SCRG1: variants seen among roughly 807,000 people sequenced by gnomAD.
The protein encoded by SCRG1 is scrapie-responsive protein 1.
SCRG1 carries 3 observed loss-of-function variants against 7.7 expected under a neutral mutation model. That is an observed-to-expected ratio of 0.39 (90% CI 0.18 to 1.01). The LOEUF (loss-of-function observed/expected upper bound fraction) is 1.01, where lower values mean the gene tolerates loss of function less well. SCRG1 is among the 50% of genes least tolerant of loss of function. The pLI is 0.36. For synonymous variants in SCRG1, 46 were observed against 41.2 expected (o/e 1.12, Z -0.44); for missense variants, 110 against 117.2 (o/e 0.94, Z 0.28).
the SCRG1 span, among the ~76,000 whole-genome samples, chr4:173,492,576 G>C: frequency 6.6e-6 from 1 of 152,196 alleles, no homozygotes; most frequent in African/African-American, 2.4e-5. Flanking sequence ...AAGATCAGAG[G>C]GATTTAGTAG....
the SCRG1 span, among the ~76,000 whole-genome samples, chr4:173,431,384 T>G: frequency 6.6e-6 from 1 of 152,034 alleles, no homozygotes; most frequent in Non-Finnish European, 1.5e-5. Context: ...TCCAAAAGGG[T>G]AGAAACAGCA....
At chr4:173,479,443 G>GTTTTTTTT in the SCRG1 span, among the ~76,000 whole-genome samples, 7 of 135,248 alleles carry the variant, frequency 5.2e-5, no homozygotes, top group Non-Finnish European at 6.3e-5. Context: ...TTGTTTTTTT[G>GTTTTTTTT]TTTTTTTTTT....
upstream of SCRG1, among the ~76,000 whole-genome samples, chr4:173,410,313 C>T (rs143841413): frequency 3.3e-5 from 5 of 152,320 alleles, no homozygotes; most frequent in East Asian, 9.6e-4. Flanking sequence ...AGTGTAAACC[C>T]AATAAGCTGT....
chr4:173,485,055 T>TTATATAA, the SCRG1 span, among the ~76,000 whole-genome samples: 23 of 23,598 alleles, frequency 9.7e-4, 3 homozygotes, highest in African/African-American at 4.6e-3. Context: ...ATATAATATA[T>TTATATAA]TATATATTAT....
the SCRG1 span, among the ~76,000 whole-genome samples, chr4:173,498,477 G>A: frequency 9.9e-5 from 15 of 152,146 alleles, no homozygotes; most frequent in African/African-American, 3.6e-4. Flanking sequence ...TCAGTTCCCT[G>A]GGCCCCAGCA....
chr4:173,461,408 A>G, the SCRG1 span, among the ~76,000 whole-genome samples: 1 of 152,240 alleles, frequency 6.6e-6, no homozygotes, highest in Non-Finnish European at 1.5e-5. Flanking sequence ...GGAAAGAACA[A>G]GAGTCTCTGC....
chr4:173,508,994 A>G, the SCRG1 span, among the ~76,000 whole-genome samples: 1 of 152,174 alleles, frequency 6.6e-6, no homozygotes, highest in Non-Finnish European at 1.5e-5. The surrounding 1 kb of genome is among the most constrained non-coding windows in gnomAD (Gnocchi z 4.4). Context: ...TATTTCCGTA[A>G]ACCAGACTGC....
At chr4:173,485,056 T>A in the SCRG1 span, among the ~76,000 whole-genome samples, 10,644 of 13,306 alleles carry the variant, frequency 0.8, 4,078 homozygotes, top group East Asian at 0.93. Context: ...TATAATATAT[T>A]ATATATTATA....
chr4:173,515,633 A>G, the SCRG1 span, among the ~76,000 whole-genome samples: 2 of 151,978 alleles, frequency 1.3e-5, no homozygotes, highest in Non-Finnish European at 2.9e-5. This position sits in a 1 kb window ranked among gnomAD's most constrained non-coding sequence, Gnocchi z 4.6. Context: ...CAGAGCAGGT[A>G]TGGAGGTCAG....
the SCRG1 span, among the ~76,000 whole-genome samples, chr4:173,448,260 G>T: frequency 1.3e-5 from 2 of 152,218 alleles, no homozygotes. Context: ...ACTGGAGTTG[G>T]AATGAGGCAT....
chr4:173,390,000 TA>T, intron 2 of SCRG1: 1 of 246,426 alleles, frequency 4.1e-6, no homozygotes, highest in Non-Finnish European at 8.7e-6. Flanking sequence ...AATCAAGAAC[TA>T]AAAATATTTA....
the SCRG1 span, among the ~76,000 whole-genome samples, chr4:173,417,124 A>G: frequency 6.6e-6 from 1 of 151,216 alleles, no homozygotes. Flanking sequence ...AGACACACAC[A>G]GACAGAGAGA....
chr4:173,483,198 A>C, the SCRG1 span, among the ~76,000 whole-genome samples: 1 of 117,014 alleles, frequency 8.5e-6, no homozygotes, highest in African/African-American at 3.3e-5. Flanking sequence ...TATGATATAT[A>C]TTATATGATA....
the SCRG1 span, among the ~76,000 whole-genome samples, chr4:173,486,989 T>G: frequency 6.6e-6 from 1 of 152,286 alleles, no homozygotes; most frequent in East Asian, 1.9e-4. Context: ...GATGAAATTA[T>G]CATTTGGGTT....
At chr4:173,409,025 G>GAAAAC (rs1739983917), upstream of SCRG1, among the ~76,000 whole-genome samples, 4 of 138,962 alleles carry the variant, frequency 2.9e-5, no homozygotes, top group Non-Finnish European at 6.3e-5. Flanking sequence ...GAAAAGAAAA[G>GAAAAC]AAAAAGAAAA....
the SCRG1 span, among the ~76,000 whole-genome samples, chr4:173,430,134 C>A: frequency 6.6e-6 from 1 of 152,188 alleles, no homozygotes; most frequent in African/African-American, 2.4e-5. Flanking sequence ...TTTTGAATTA[C>A]TGTAGATCTG....
the SCRG1 span, among the ~76,000 whole-genome samples, chr4:173,423,166 AG>A: frequency 6.6e-6 from 1 of 152,250 alleles, no homozygotes; most frequent in African/African-American, 2.4e-5. Context: ...TTCTTAAAAA[AG>A]TGACTTTGTT....
chr4:173,442,079 G>A, the SCRG1 span, among the ~76,000 whole-genome samples: 6 of 152,146 alleles, frequency 3.9e-5, no homozygotes, highest in African/African-American at 1.2e-4. Context: ...ACATTATCGG[G>A]CAGGAAGAAA....
At chr4:173,441,421 T>C in the SCRG1 span, among the ~76,000 whole-genome samples, 1 of 152,170 alleles carries the variant, frequency 6.6e-6, no homozygotes, top group African/African-American at 2.4e-5. Flanking sequence ...TATATCGCAT[T>C]AACACTTCCT....
Sources: gnomAD v4.1 joint callset for allele counts (sites outside exome capture counted in the v4.1 genomes callset) on GRCh38, gnomAD v4.1.1 for gene constraint, Gnocchi (gnomAD v3.1) non-coding constraint, MANE v1.5 for transcripts, NCBI Gene and HGNC (gene_info 2026-07-23, HGNC 2026-07-21) for gene names.